The following TNR variants were observed in gnomAD, a reference collection of about 807,000 sequenced individuals.
The protein encoded by TNR is tenascin-R.
In TNR, 45 loss-of-function variants were observed where a neutral mutation model predicts 150.4. The observed-to-expected ratio is 0.30, with a 90% CI of 0.24 to 0.38. The LOEUF (loss-of-function observed/expected upper bound fraction) is 0.38, where lower values mean the gene tolerates loss of function less well. TNR is among the 10% of genes least tolerant of loss of function. TNR has a pLI of 1.00. For synonymous variants in TNR, 687 were observed against 678.4 expected, an observed-to-expected ratio of 1.01 and a Z score of -0.20; for missense variants, 1,544 against 1,759.1, an observed-to-expected ratio of 0.88 and a Z score of 2.19.
intron 20 of TNR, among the ~76,000 whole-genome samples, chr1:175,331,103 CTCTCTCTT>C (rs1206612909): frequency 1.8e-5 from 1 of 55,788 alleles, no homozygotes; most frequent in African/African-American, 6.0e-5. Context: ...CTTTCTTTCT[CTCTCTCTT>C]TCTTTTCTTT....
chr1:175,452,291 C>T (rs1027052622), intron 2 of TNR, among the ~76,000 whole-genome samples: 8 of 152,220 alleles, frequency 5.3e-5, no homozygotes, highest in Non-Finnish European at 8.8e-5. Flanking sequence ...GTGAACAAAG[C>T]GCCCTGCTCG....
chr1:175,357,299 A>G (rs1651378682), intron 15 of TNR, among the ~76,000 whole-genome samples: 1 of 152,216 alleles, frequency 6.6e-6, no homozygotes, highest in South Asian at 2.1e-4. Flanking sequence ...CTGTTGATAA[A>G]ACTGTTCATT....
At position 175,407,168 on chromosome 1, in the gene TNR, T is replaced by G. The variant is rs114306567; in HGVS notation, c.-63-391A>C. ...AGAAATTGGACCAGGGAGCCTTGGG[T>G]GTCCTCTCCTATTTCCCCAGATATT... On this transcript the variant is annotated intron_variant, in intron 2 of 22. Transcript: ENST00000367674. Among the ~76,000 whole-genome samples, 1,493 of 152,246 alleles carry G rather than the reference T, an allele frequency of 9.8e-3. 30 individuals carry two copies. The highest frequency in any genetic ancestry group is 0.034 in the African/African-American group (1,419 of 41,522).
chr1:175,688,877 C>A (rs1404039505), intron 1 of TNR, among the ~76,000 whole-genome samples: 2 of 152,210 alleles, frequency 1.3e-5, no homozygotes, highest in Non-Finnish European at 2.9e-5. Flanking sequence ...AAGGCCATGT[C>A]TTTTATGACA....
At chr1:175,680,516 C>T (rs889167526) in intron 1 of TNR, among the ~76,000 whole-genome samples, 1 of 152,120 alleles carries the variant, frequency 6.6e-6, no homozygotes, top group African/African-American at 2.4e-5. Context: ...GGCAGGATGA[C>T]AGCTGAACCC....
rs1363849486 is a variant in TNR at position 175,435,157 on chromosome 1, T to A, written c.-63-28380A>T. Among the ~76,000 whole-genome samples, 4 of 152,120 alleles carry A rather than the reference T, an allele frequency of 2.6e-5. No individual in the cohort carries two copies. The East Asian group carries it at 5.8e-4, about 22-fold the overall frequency. ...TCACTTGGCTGCTTATGCAGAATGG[T>A]CTCATGGGTTGGGGAGGGGTGCAAG... On this transcript the variant is annotated intron_variant, in intron 2 of 22. Transcript: ENST00000367674.
chr1:175,593,779 G>A (rs1051933355), intron 1 of TNR, among the ~76,000 whole-genome samples: 13 of 152,022 alleles, frequency 8.6e-5, no homozygotes, highest in Non-Finnish European at 1.6e-4. Context: ...GGCAAGTAGG[G>A]CCCAAGATAT....
intron 1 of TNR, among the ~76,000 whole-genome samples, chr1:175,736,466 A>G: frequency 6.6e-6 from 1 of 152,006 alleles, no homozygotes; most frequent in East Asian, 1.9e-4. Context: ...GTTTGCAGTG[A>G]GCCGAGATTG....
intron 1 of TNR, among the ~76,000 whole-genome samples, chr1:175,641,358 T>A (rs1664653520): frequency 6.6e-6 from 1 of 151,998 alleles, no homozygotes; most frequent in African/African-American, 2.4e-5. Flanking sequence ...AGAAAGAACA[T>A]CAATTTTGTG....
chr1:175,583,048 G>T (rs1261408429), intron 1 of TNR, among the ~76,000 whole-genome samples: 1 of 151,954 alleles, frequency 6.6e-6, no homozygotes, highest in South Asian at 2.1e-4. Context: ...ATACCTTTTT[G>T]TTTATTACAA....
chr1:175,617,871 A>G (rs1663832951), intron 1 of TNR, among the ~76,000 whole-genome samples: 1 of 152,138 alleles, frequency 6.6e-6, no homozygotes, highest in Admixed American at 6.5e-5. Flanking sequence ...AGTAGTTTTC[A>G]TTTTACCCAT....
At chr1:175,551,759 G>T (rs1387044948) in intron 1 of TNR, among the ~76,000 whole-genome samples, 1 of 152,196 alleles carries the variant, frequency 6.6e-6, no homozygotes, top group Non-Finnish European at 1.5e-5. Context: ...ACACTGCTTT[G>T]TTGTGAATAA....
rs1389178206 is a variant in TNR, at chr1:175,406,508, G to T, written c.207C>A (p.Tyr69Ter). The T allele has an allele frequency of 1.9e-6, 3 of 1,614,170 alleles. No individual in the cohort carries two copies. Among genetic ancestry groups the T allele is most frequent in the Non-Finnish European group, 2.5e-6 (3 of 1,180,036 alleles). Residue 69 changes from tyrosine to a stop codon, truncating the protein, a stop_gained, in exon 3 of 23, where the codon TAC becomes TAA. Transcript: ENST00000367674. LOFTEE classifies it high-confidence loss of function. ...KEQPVVFNHV[Y>*]NINVPLDNLC... is the part of the protein sequence containing the mutation. ...GGTTGTCCAAGGGCACGTTAATGTT[G>T]TACACGTGGTTGAAGACCACAGGCT...
At chr1:175,676,123 T>A (rs1298048193) in intron 1 of TNR, among the ~76,000 whole-genome samples, 2 of 152,130 alleles carry the variant, frequency 1.3e-5, no homozygotes, top group Admixed American at 1.3e-4. Flanking sequence ...GCTTTCATAT[T>A]CTGATCTTTA....
chr1:175,652,897 G>T (rs1280811426), intron 1 of TNR, among the ~76,000 whole-genome samples: 2 of 152,198 alleles, frequency 1.3e-5, no homozygotes, highest in Non-Finnish European at 2.9e-5. Flanking sequence ...TTCACAGCAA[G>T]GGAAAGCAAA....
Position 175,391,412 on chromosome 1 carries a change from C to A in TNR, c.1383G>T (p.Gln461His). 1 of 1,614,166 alleles carries A rather than the reference C, an allele frequency of 6.2e-7. No individual in the cohort carries two copies. The highest frequency in any genetic ancestry group is 8.5e-7 in the Non-Finnish European group (1 of 1,180,024). Residue 461 changes from glutamine (Q) to histidine (H), a missense_variant, in exon 7 of 23, where the codon CAG becomes CAT. Physicochemically the swap from Gln to His is conservative, Grantham distance 24. Coordinates refer to ENST00000367674, the MANE Select transcript of TNR (RefSeq NM_003285.3). ...PKNNEGGVIAQVPSDVTSFNQ... is the reference protein window; with the variant it reads ...PKNNEGGVIAHVPSDVTSFNQ... ...TAAAGGACGTAACATCGCTGGGGACCTGAGCAATCACTCCCCCTTCATTGT... is the reference window on the plus strand; with the variant it reads ...TAAAGGACGTAACATCGCTGGGGACATGAGCAATCACTCCCCCTTCATTGT...
intron 2 of TNR, among the ~76,000 whole-genome samples, chr1:175,416,486 C>A (rs945970480): frequency 6.6e-6 from 1 of 152,222 alleles, no homozygotes; most frequent in Non-Finnish European, 1.5e-5. Context: ...TCATTAATGT[C>A]TATTTTTCAT....
Position 175,331,042 on chromosome 1 carries a change from TTTC to T in TNR, c.3632-810_3632-808del, listed in dbSNP as rs1343088766. Among the ~76,000 whole-genome samples, 73 of 68,794 alleles carry T rather than the reference TTTC, an allele frequency of 1.1e-3. 2 individuals carry two copies. The highest frequency in any genetic ancestry group is 6.4e-3 in the Middle Eastern group (1 of 156). 45.1% of individuals were successfully genotyped at this position (68,794 alleles called of 152,430 possible). A position where few individuals can be genotyped will look rare whatever the true frequency, so the allele number is the denominator to read the frequency against. On this transcript the variant is annotated intron_variant, in intron 20 of 22. Transcript: ENST00000367674. ...CTTTCTTTCTTTCTTTCTTTCTTTC[TTTC>T]TTTCTTTCTTTCTTTCTTTCTTTCT...
intron 1 of TNR, among the ~76,000 whole-genome samples, chr1:175,731,125 C>A (rs1450514923): frequency 2.0e-5 from 3 of 152,208 alleles, no homozygotes; most frequent in Non-Finnish European, 4.4e-5. Flanking sequence ...CCAGTATCCA[C>A]AGAGATACTG....
Sources: allele counts gnomAD v4.1 joint callset (sites outside exome capture counted in the v4.1 genomes callset), GRCh38; gene constraint gnomAD v4.1.1; transcripts MANE v1.5; gene names NCBI Gene and HGNC (gene_info 2026-07-23, HGNC 2026-07-21).